BRD7: variants seen among roughly 807,000 people sequenced by gnomAD.
BRD7 encodes the protein bromodomain containing 7.
BRD7 carries 15 observed loss-of-function variants against 82.1 expected under a neutral mutation model. That is an observed-to-expected ratio of 0.18 (90% CI 0.12 to 0.28). The LOEUF (loss-of-function observed/expected upper bound fraction) is 0.28, where lower values mean the gene tolerates loss of function less well. BRD7 is among the 10% of genes least tolerant of loss of function. The probability of loss-of-function intolerance (pLI) is 1.00; values close to 1 mark genes in which losing one functional copy is unlikely to be tolerated. For synonymous variants in BRD7, 232 were observed against 266.9 expected (o/e 0.87, Z 1.27); for missense variants, 638 against 779.9 (o/e 0.82, Z 2.17).
In BRD7 at chr16:50,342,455, C is replaced by CTTTTT. The variant is rs34093559; in HGVS notation, c.592-2374_592-2370dup. On this transcript the variant is annotated intron_variant, in intron 5 of 16. Coordinates refer to ENST00000394688, the MANE Select transcript of BRD7 (RefSeq NM_013263.5). ...AAAAGGGACTAAGTAAAGACACTGT[C>CTTTTT]TTTTTTTTTTTTTTTTTTTTTGAGA... 1.1e-3 allele frequency among the ~76,000 whole-genome samples: 112 copies of CTTTTT among 102,910 alleles called. 2 individuals carry two copies. Among genetic ancestry groups the CTTTTT allele is most frequent in the Non-Finnish European group, 1.4e-3 (78 of 55,272 alleles). 67.5% of individuals were successfully genotyped at this position (102,910 alleles called of 152,430 possible). A position where few individuals can be genotyped will look rare whatever the true frequency, so the allele number is the denominator to read the frequency against.
At chr16:50,363,658 TGTGC>T (rs1359997729) in intron 2 of BRD7, among the ~76,000 whole-genome samples, 80 of 55,238 alleles carry the variant, frequency 1.4e-3, no homozygotes, top group African/African-American at 3.0e-3. Context: ...TGTGTGTGTG[TGTGC>T]GCGCGCGCGC....
chr16:50,337,671 A>C (rs2037867146), intron 6 of BRD7, among the ~76,000 whole-genome samples: 2 of 152,224 alleles, frequency 1.3e-5, no homozygotes, highest in South Asian at 4.1e-4. Flanking sequence ...ACATTCAAAA[A>C]CAGTTATCTT....
At chr16:50,363,641 T>TTGTGTTTG (rs2039013591) in intron 2 of BRD7, among the ~76,000 whole-genome samples, 1 of 149,068 alleles carries the variant, frequency 6.7e-6, no homozygotes, top group African/African-American at 2.5e-5. Flanking sequence ...CGTTGTGTGT[T>TTGTGTTTG]TGTGTGTGTG....
chr16:50,367,589 C>A (rs1174138558), intron 2 of BRD7, among the ~76,000 whole-genome samples: 1 of 152,210 alleles, frequency 6.6e-6, no homozygotes, highest in South Asian at 2.1e-4. Flanking sequence ...CTGTTAAATG[C>A]AAATGGTTAA....
intron 5 of BRD7, among the ~76,000 whole-genome samples, chr16:50,345,501 A>G (rs1475904359): frequency 2.4e-3 from 335 of 138,466 alleles, no homozygotes; most frequent in African/African-American, 5.0e-3. Context: ...AAGACCCATC[A>G]GTGTGCTGTA....
chr16:50,358,283 G>A (rs527349204), intron 2 of BRD7, among the ~76,000 whole-genome samples: 3 of 150,592 alleles, frequency 2.0e-5, no homozygotes, highest in African/African-American at 7.3e-5. Context: ...CCAGAACTTT[G>A]GGAGGCCGAG....
chr16:50,320,140 C>A, intron 15 of BRD7, 108 bp downstream of exon 15: 1 of 1,519,238 alleles, frequency 6.6e-7, no homozygotes, highest in South Asian at 1.3e-5. Context: ...AAAAAACTGT[C>A]CCTGGGATTC....
In BRD7 at chr16:50,368,779, G is replaced by A; in HGVS notation, c.-5C>T. 7 of 1,532,948 alleles carry A rather than the reference G, an allele frequency of 4.6e-6. No individual in the cohort carries two copies. The highest frequency in any genetic ancestry group is 1.2e-5 in the South Asian group (1 of 85,172). 95.0% of individuals were successfully genotyped at this position (1,532,948 alleles called of 1,614,324 possible). A position where few individuals can be genotyped will look rare whatever the true frequency, so the allele number is the denominator to read the frequency against. On this transcript the variant is annotated 5_prime_UTR_variant, in exon 1 of 17. Transcript: ENST00000394688. ...CTTCTTGTGCTTCTTGCCCATGTCC[G>A]ACCGGGCCCCGGTGCCCGCCCCCCG...
intron 16 of BRD7, 55 bp downstream of exon 16, chr16:50,319,832 G>T: frequency 1.9e-6 from 3 of 1,567,196 alleles, no homozygotes; most frequent in African/African-American, 2.7e-5. Flanking sequence ...AGACACTGAG[G>T]GATGACTATA....
rs1365503010 is a variant in BRD7 at position 50,325,761 on chromosome 16, G to T, written c.1318C>A (p.Pro440Thr). 1.9e-6 allele frequency: 3 copies of T among 1,593,832 alleles called. No homozygotes were observed. The change falls in exon 11 of 17, where the codon CCA (proline) becomes ACA (threonine). Residue 440 changes from proline to threonine, a missense_variant. This residue lies in a region of BRD7 where 402 missense variants were observed against 500.8 expected (regional missense o/e 0.80). Coordinates refer to ENST00000394688, the MANE Select transcript of BRD7 (RefSeq NM_013263.5). Reference sequence around the variant, plus strand: ...CTGGAAACTCACCTGAAATCACTTGGAAGATCAGAGTCTTCCCCATAGGTT... The same window carrying T: ...CTGGAAACTCACCTGAAATCACTTGTAAGATCAGAGTCTTCCCCATAGGTT... Reference protein sequence around the residue: ...YSTYGEDSDLPSDFSIHEFLA... With the variant: ...YSTYGEDSDLTSDFSIHEFLA...
chr16:50,320,850 G>T, intron 13 of BRD7, 76 bp from the exon 14 acceptor site: 1 of 992,718 alleles, frequency 1.0e-6, no homozygotes, highest in South Asian at 1.3e-5. Context: ...TTACTCAGAT[G>T]GCATGTATTT....
intron 3 of BRD7, 78 bp downstream of exon 3, chr16:50,354,715 C>A: frequency 6.5e-7 from 1 of 1,531,480 alleles, no homozygotes; most frequent in Non-Finnish European, 8.8e-7. Context: ...AACTTAGAAG[C>A]TAAAACCCCA....
chr16:50,368,398 A>AGGC, intron 1 of BRD7, 100 bp from the exon 2 acceptor site: 3 of 1,324,280 alleles, frequency 2.3e-6, no homozygotes, highest in Non-Finnish European at 3.1e-6. Flanking sequence ...AGCAAGCCCG[A>AGGC]GGCGGCTTTG....
At chr16:50,358,350 T>TCCCGTCTCTGCAAAAAATACAAAAATTAG (rs61455994) in intron 2 of BRD7, among the ~76,000 whole-genome samples, 1 of 151,088 alleles carries the variant, frequency 6.6e-6, no homozygotes, top group Non-Finnish European at 1.5e-5. Flanking sequence ...CATAGCGAAA[T>TCCCGTCTCTGCAAAAAATACAAAAATTAG]CCAGGAGTTT....
chr16:50,334,801 C>T lies in BRD7; in HGVS notation c.797G>A (p.Gly266Glu). 6.2e-7 allele frequency: 1 copy of T among 1,614,098 alleles called. No individual in the cohort carries two copies. Among genetic ancestry groups the T allele is most frequent in the Non-Finnish European group, 8.5e-7 (1 of 1,179,964 alleles). Residue 266 changes from glycine to glutamate, a missense_variant, in exon 7 of 17, where the codon GGG becomes GAG. Gly to Glu is a moderately conservative substitution (Grantham distance 98). Transcript: ENST00000394688. ...TCTCTGCCAGCAGCCTCCGTCCTCCCCACTCTGTGAGGTGTCTGTTCCATC... is the reference window on the plus strand; with the variant it reads ...TCTCTGCCAGCAGCCTCCGTCCTCCTCACTCTGTGAGGTGTCTGTTCCATC... ...QKDGTDTSQS[G>E]EDGGCWQRER...
At chr16:50,332,832 C>T (rs147298915) in intron 8 of BRD7, among the ~76,000 whole-genome samples, 5 of 152,248 alleles carry the variant, frequency 3.3e-5, no homozygotes, top group East Asian at 3.9e-4. Flanking sequence ...TCCCCTGCAA[C>T]GACATGGATG....
chr16:50,322,787 AT>A (rs1287438266), intron 12 of BRD7, among the ~76,000 whole-genome samples: 7 of 152,322 alleles, frequency 4.6e-5, no homozygotes, highest in Admixed American at 2.6e-4. Flanking sequence ...TGGTAAAAAA[AT>A]ATGTATTTTT....
At chr16:50,342,455 C>CTTTTTTTTT (rs34093559) in intron 5 of BRD7, among the ~76,000 whole-genome samples, 6 of 102,940 alleles carry the variant, frequency 5.8e-5, no homozygotes, top group African/African-American at 1.5e-4. Flanking sequence ...AAGACACTGT[C>CTTTTTTTTT]TTTTTTTTTT....
chr16:50,368,396 C>G (rs1315898931), intron 1 of BRD7, 98 bp from the exon 2 acceptor site: 2 of 1,335,960 alleles, frequency 1.5e-6, no homozygotes, highest in East Asian at 2.4e-5. Flanking sequence ...GCAGCAAGCC[C>G]GAGGCGGCTT....
Sources: allele counts gnomAD v4.1 joint callset (sites outside exome capture counted in the v4.1 genomes callset), GRCh38; gene constraint gnomAD v4.1.1; regional missense constraint gnomAD v4.1.1; transcripts MANE v1.5; gene names NCBI Gene and HGNC (gene_info 2026-07-23, HGNC 2026-07-21).